Variants in TRPC5 observed in about 807,000 individuals in gnomAD.
The protein encoded by TRPC5 is transient receptor potential cation channel subfamily C member 5.
A neutral mutation model predicts 56.5 loss-of-function variants in TRPC5; 9 were observed. The observed-to-expected ratio is 0.16, with a 90% confidence interval of 0.10 to 0.28. The LOEUF (loss-of-function observed/expected upper bound fraction) is 0.28, where lower values mean the gene tolerates loss of function less well. Ranked by LOEUF, TRPC5 falls within the 10% of genes least tolerant of loss-of-function variation. TRPC5 has a pLI of 1.00. For synonymous variants in TRPC5, 282 were observed against 278.5 expected, an observed-to-expected ratio of 1.01 and a Z score of -0.13; for missense variants, 469 against 748.9, an observed-to-expected ratio of 0.63 and a Z score of 4.36.
intron 7 of TRPC5, among the ~76,000 whole-genome samples, chrX:111,819,475 C>T (rs1921966857): frequency 9.0e-6 from 1 of 111,270 alleles, no homozygotes; most frequent in African/African-American, 3.3e-5. Context: ...TGGCCTGTGT[C>T]TTTCCACTGG....
intron 3 of TRPC5, among the ~76,000 whole-genome samples, chrX:111,900,049 GATACT>G (rs918530813): frequency 1.3e-4 from 15 of 111,357 alleles, no homozygotes; most frequent in African/African-American, 4.9e-4. Context: ...GCTAAGTGGA[GATACT>G]ATACAACTGA....
At chrX:111,930,360 C>T (rs778952723) in intron 2 of TRPC5, among the ~76,000 whole-genome samples, 20 of 110,949 alleles carry the variant, frequency 1.8e-4, no homozygotes, top group Non-Finnish European at 3.6e-4. Flanking sequence ...ATGGGTGCAG[C>T]AAACCACCAT....
At chrX:111,792,385 A>T (rs184304276) in intron 7 of TRPC5, among the ~76,000 whole-genome samples, 225 of 111,293 alleles carry the variant, frequency 2.0e-3, no homozygotes, top group African/African-American at 7.2e-3. Context: ...TGACGGGTTG[A>T]TGGGTGCAGC....
Position 112,070,605 on chromosome X carries a change from C to T in TRPC5, c.-22+11274G>A, listed in dbSNP as rs1304502759. Among the ~76,000 whole-genome samples the T allele has an allele frequency of 9.0e-5, 10 of 111,161 alleles. No homozygotes were observed. In the Admixed American group the frequency reaches 9.6e-4, roughly 11 times the overall value. ...TCTTGAGGAAGAATTATTCCTGCTC[C>T]TTTCTAAGGTTAATCTCTGATCTCT... is the stretch of plus-strand genomic sequence containing the variant. On this transcript the variant is annotated intron_variant, in intron 1 of 10. Transcript: ENST00000262839.
chrX:111,804,371 T>C (rs1921424435), intron 7 of TRPC5, among the ~76,000 whole-genome samples: 1 of 112,084 alleles, frequency 8.9e-6, no homozygotes, highest in African/African-American at 3.2e-5. Context: ...AAAGTAGTTT[T>C]TTTCCAATTC....
chrX:112,048,350 G>A (rs145908813), intron 1 of TRPC5, among the ~76,000 whole-genome samples: 2,039 of 97,739 alleles, frequency 0.021, 61 homozygotes, highest in African/African-American at 0.076. Context: ...GCAGTGAGCC[G>A]CGATCGCGCC....
At chrX:111,861,889 C>A (rs199973774) in intron 3 of TRPC5, among the ~76,000 whole-genome samples, 1 of 111,148 alleles carries the variant, frequency 9.0e-6, no homozygotes. Flanking sequence ...CAGCTCCTGG[C>A]TCCCACATGA....
Position 111,912,552 on chromosome X carries a change from A to T in TRPC5, c.639T>A (p.Ser213Arg). ...GGAAGGCAGTTAGGATGGGGTCCTC[A>T]CTTGATAAGGCAATGAGTGAGGGGC... is the stretch of plus-strand genomic sequence containing the variant. Reference protein sequence around the residue: ...LASPSLIALSSEDPILTAFRL... With the variant: ...LASPSLIALSREDPILTAFRL... Residue 213 changes from serine (S) to arginine (R), a missense_variant, in exon 3 of 11, where the codon AGT (serine) becomes AGA (arginine). By Grantham distance (110) the Ser-to-Arg change is moderately radical. This residue lies in a region of TRPC5 where 157 missense variants were observed against 360.0 expected (regional missense o/e 0.44). Transcript: ENST00000262839. 1 of 1,211,568 alleles carries T rather than the reference A, an allele frequency of 8.3e-7. No homozygotes were observed. Among genetic ancestry groups the T allele is most frequent in the Non-Finnish European group, 1.1e-6 (1 of 895,513 alleles).
At chrX:111,906,146 G>A (rs1304176445) in intron 3 of TRPC5, among the ~76,000 whole-genome samples, 2 of 109,561 alleles carry the variant, frequency 1.8e-5, no homozygotes, top group Non-Finnish European at 3.8e-5. Flanking sequence ...CCTAAGCTCT[G>A]GAGTTCCAGA....
Position 111,959,144 on chromosome X carries a change from C to A in TRPC5, c.-21-6703G>T, listed in dbSNP as rs769734756. 3.5e-3 allele frequency among the ~76,000 whole-genome samples: 387 copies of A among 111,842 alleles called. 2 individuals carry two copies. The highest frequency in any genetic ancestry group is 0.012 in the African/African-American group (373 of 30,867). ...TAACTGCATAGCTAAATTTAAAAGCCAGTATTATTGTACTTTTGGTTTGTA... is the reference window on the plus strand; with the variant it reads ...TAACTGCATAGCTAAATTTAAAAGCAAGTATTATTGTACTTTTGGTTTGTA... On this transcript the variant is annotated intron_variant, in intron 1 of 10. Coordinates refer to ENST00000262839, the MANE Select transcript of TRPC5 (RefSeq NM_012471.3).
intron 2 of TRPC5, among the ~76,000 whole-genome samples, chrX:111,916,053 A>G (rs1443427061): frequency 9.0e-6 from 1 of 111,559 alleles, no homozygotes; most frequent in Non-Finnish European, 1.9e-5. Context: ...TGAGCCTGGG[A>G]GGTCGAGGCT....
intron 7 of TRPC5, among the ~76,000 whole-genome samples, chrX:111,796,471 C>A (rs1921098285): frequency 9.0e-6 from 1 of 111,556 alleles, no homozygotes; most frequent in Non-Finnish European, 1.9e-5. Flanking sequence ...GAAATTTGAG[C>A]CCCTCCCACC....
At chrX:112,057,410 A>G (rs1930366361) in intron 1 of TRPC5, among the ~76,000 whole-genome samples, 1 of 112,152 alleles carries the variant, frequency 8.9e-6, no homozygotes, top group African/African-American at 3.2e-5. Context: ...CAGCACAATT[A>G]AAGGGATGTT....
At chrX:111,813,217 G>A (rs749100038) in intron 7 of TRPC5, among the ~76,000 whole-genome samples, 6 of 112,351 alleles carry the variant, frequency 5.3e-5, no homozygotes, top group African/African-American at 9.7e-5. Context: ...TTTCCACAGT[G>A]TTTAGGACTT....
intron 5 of TRPC5, among the ~76,000 whole-genome samples, chrX:111,848,249 C>T (rs1216817892): frequency 9.0e-6 from 1 of 111,228 alleles, no homozygotes; most frequent in Non-Finnish European, 1.9e-5. Flanking sequence ...GTTTCCAGCC[C>T]CCGGCATATT....
intron 7 of TRPC5, 34 bp downstream of exon 7, chrX:111,834,887 A>T (rs1922518642): frequency 5.3e-6 from 6 of 1,139,164 alleles, no homozygotes; most frequent in Non-Finnish European, 5.9e-6. Flanking sequence ...ACCTGAAACC[A>T]AAGTAAGCAC....
intron 7 of TRPC5, among the ~76,000 whole-genome samples, chrX:111,814,679 C>G (rs1419747654): frequency 9.1e-6 from 1 of 110,081 alleles, no homozygotes; most frequent in Non-Finnish European, 1.9e-5. Flanking sequence ...GTCTAGTGGG[C>G]AGCCATTCTG....
intron 7 of TRPC5, among the ~76,000 whole-genome samples, chrX:111,787,808 T>C (rs1262732023): frequency 9.0e-6 from 1 of 111,097 alleles, no homozygotes; most frequent in East Asian, 2.8e-4. Context: ...ACCTAGAAAA[T>C]CTGGAAGAAA....
intron 1 of TRPC5, among the ~76,000 whole-genome samples, chrX:112,034,384 G>T (rs1190699463): frequency 1.0e-5 from 1 of 100,083 alleles, no homozygotes; most frequent in Non-Finnish European, 2.0e-5. Flanking sequence ...CTAGACATTT[G>T]ATTTTTTTGC....
Sources: gnomAD v4.1 joint callset for allele counts (sites outside exome capture counted in the v4.1 genomes callset) on GRCh38, gnomAD v4.1.1 for gene constraint, gnomAD v4.1.1 regional missense constraint, MANE v1.5 for transcripts, NCBI Gene and HGNC (gene_info 2026-07-23, HGNC 2026-07-21) for gene names.